The following ZNF532 variants were observed in gnomAD, a reference collection of about 807,000 sequenced individuals.
ZNF532 encodes the protein zinc finger protein 532.
A neutral mutation model predicts 89.3 loss-of-function variants in ZNF532; 22 were observed. The ratio of observed to expected loss-of-function variants is 0.25; its 90% CI spans 0.18 to 0.35. The LOEUF (loss-of-function observed/expected upper bound fraction) is 0.35, where lower values mean the gene tolerates loss of function less well. Among genes scored for constraint, ZNF532 ranks in the 10% least tolerant of loss-of-function variants. The pLI, the probability that ZNF532 is intolerant of heterozygous loss-of-function variation, is 1.00. For synonymous variants in ZNF532, 606 were observed against 649.6 expected, an observed-to-expected ratio of 0.93 and a Z score of 1.02; for missense variants, 1,132 against 1,643.4, an observed-to-expected ratio of 0.69 and a Z score of 5.38.
chr18:58,965,851 G>A (rs748484669), intron 7 of ZNF532, among the ~76,000 whole-genome samples: 2 of 152,194 alleles, frequency 1.3e-5, no homozygotes, highest in African/African-American at 2.4e-5. Context: ...TTGTAGCAGG[G>A]CCTGAGCCTT....
rs560537632 is a variant in ZNF532, at chr18:58,983,924, C to T, written c.3412-48C>T. On this transcript the variant is annotated intron_variant, in intron 9 of 9. Coordinates refer to ENST00000591808, the MANE Select transcript of ZNF532 (RefSeq NM_001375912.1). ...AGAGAACCGATCATTTATCAACCAC[C>T]GTGAAGGATGGTTTTCAGTCGTGTC... is the stretch of plus-strand genomic sequence containing the variant. The T allele has an allele frequency of 2.9e-5, 46 of 1,561,320 alleles. 1 individual carries two copies. The highest frequency in any genetic ancestry group is 1.9e-4 in the South Asian group (16 of 82,194).
chr18:58,951,643 G>GTTGTTTTTTTTT (rs1555746441), intron 6 of ZNF532, among the ~76,000 whole-genome samples: 5 of 23,322 alleles, frequency 2.1e-4, no homozygotes, highest in Non-Finnish European at 2.8e-4. Context: ...CCCTCGCCCT[G>GTTGTTTTTTTTT]TTGTTTTTTT....
At chr18:58,956,713 T>C (rs970734683) in intron 7 of ZNF532, among the ~76,000 whole-genome samples, 1 of 152,208 alleles carries the variant, frequency 6.6e-6, no homozygotes, top group Non-Finnish European at 1.5e-5. Flanking sequence ...ACCCCTTTGT[T>C]GTTAAGTCGT....
Position 58,964,535 on chromosome 18 carries a change from TTGTGTGTGTGTGTG to T in ZNF532, c.3150+10768_3150+10781del, listed in dbSNP as rs200298951. ...TTGGCCACTGGAATTGATATTTTGT[TTGTGTGTGTGTGTG>T]TGTGTGTGTGTGTGTGTGTGTGTGT... On this transcript the variant is annotated intron_variant, in intron 7 of 9. Coordinates refer to ENST00000591808, the MANE Select transcript of ZNF532 (RefSeq NM_001375912.1). 4.2e-3 allele frequency among the ~76,000 whole-genome samples: 588 copies of T among 138,628 alleles called. 3 individuals are homozygous for T. Among genetic ancestry groups the T allele is most frequent in the Non-Finnish European group, 5.8e-3 (376 of 64,378 alleles). The allele number at this position is 138,628 out of a possible 152,430, so 90.9% of individuals were successfully genotyped here. A position where few individuals can be genotyped will look rare whatever the true frequency, so the allele number is the denominator to read the frequency against.
chr18:58,962,891 G>A (rs1434977424), intron 7 of ZNF532, among the ~76,000 whole-genome samples: 3 of 152,222 alleles, frequency 2.0e-5, no homozygotes, highest in South Asian at 2.1e-4. Flanking sequence ...GTGAGCCACC[G>A]CACCCAGCCG....
Position 58,888,853 on chromosome 18 carries a change from A to AATATATATTATATATAT in ZNF532, c.-18+23276_-18+23277insATATATTATATATATAT, listed in dbSNP as rs1555709546. Among the ~76,000 whole-genome samples the AATATATATTATATATAT allele has an allele frequency of 7.1e-5, 3 of 42,362 alleles. 1 individual carries two copies. The highest frequency in any genetic ancestry group is 1.3e-4 in the African/African-American group (1 of 7,944). The allele number at this position is 42,362 out of a possible 152,430, so 27.8% of individuals were successfully genotyped here. A position where few individuals can be genotyped will look rare whatever the true frequency, so the allele number is the denominator to read the frequency against. Reference sequence around the variant, plus strand: ...TTATATATATAATTTATATATATATAATTTATATATATATAATATATATTA... The same window carrying AATATATATTATATATAT: ...TTATATATATAATTTATATATATATAATATATATTATATATATATTTATATATATATAATATATATTA... On this transcript the variant is annotated intron_variant, in intron 2 of 9. Coordinates refer to ENST00000591808, the MANE Select transcript of ZNF532 (RefSeq NM_001375912.1).
chr18:58,919,424 G>T lies in ZNF532; in HGVS notation c.1137G>T (p.Arg379Ser). The T allele has an allele frequency of 6.2e-7, 1 of 1,614,192 alleles. No individual in the cohort carries two copies. The highest frequency in any genetic ancestry group is 8.5e-7 in the Non-Finnish European group (1 of 1,180,040). The change falls in exon 3 of 10, where the codon AGG becomes AGT. Residue 379 changes from arginine (R) to serine (S), a missense_variant. Arg to Ser is a moderately radical substitution (Grantham distance 110). This residue lies in a region of ZNF532 where 124 missense variants were observed against 191.6 expected (regional missense o/e 0.65). Transcript: ENST00000591808. This position sits in a 1 kb window ranked among gnomAD's most constrained non-coding sequence, Gnocchi z 6.1. ...GGGAAATCAAGAGAACAGTGACCAG[G>T]GTATTGCCAGAAGTGGATCTTGACT... The part of the protein sequence containing the change: ...SSGEIKRTVT[R>S]VLPEVDLDSG...
chr18:58,890,937 C>T (rs192444237), intron 2 of ZNF532, among the ~76,000 whole-genome samples: 55 of 151,796 alleles, frequency 3.6e-4, no homozygotes, highest in African/African-American at 1.0e-3. Flanking sequence ...CTTGACCTCC[C>T]GGGTTCAAGT....
At chr18:58,912,846 G>T (rs986796179) in intron 2 of ZNF532, among the ~76,000 whole-genome samples, 3 of 152,038 alleles carry the variant, frequency 2.0e-5, no homozygotes, top group Non-Finnish European at 4.4e-5. Context: ...TTGGGGCCCA[G>T]TCTCTCCCAC....
At chr18:58,920,899 T>C (rs1446102124) in intron 3 of ZNF532, among the ~76,000 whole-genome samples, 2 of 151,712 alleles carry the variant, frequency 1.3e-5, no homozygotes, top group African/African-American at 2.4e-5. Context: ...GCAGTGGTGT[T>C]GGAGGTGGTA....
At chr18:58,954,711 C>CTTTTT (rs11416830) in intron 7 of ZNF532, among the ~76,000 whole-genome samples, 3 of 106,336 alleles carry the variant, frequency 2.8e-5, no homozygotes, top group African/African-American at 3.4e-5. Context: ...GAATTTGCTA[C>CTTTTT]TTTTTTTTTT....
intron 5 of ZNF532, among the ~76,000 whole-genome samples, chr18:58,943,261 G>A (rs868426528): frequency 1.4e-5 from 2 of 148,106 alleles, no homozygotes; most frequent in Non-Finnish European, 3.0e-5. Flanking sequence ...CCGGGTTCTC[G>A]CCATTCTTCT....
At position 58,984,300 on chromosome 18, in the gene ZNF532, A is replaced by C. The variant is rs1422282966; in HGVS notation, c.3740A>C (p.Glu1247Ala). 1 of 1,611,998 alleles carries C rather than the reference A, an allele frequency of 6.2e-7. No individual in the cohort carries two copies. Among genetic ancestry groups the C allele is most frequent in the South Asian group, 1.1e-5 (1 of 90,990 alleles). Residue 1247 changes from glutamate to alanine, a missense_variant, in exon 10 of 10, where the codon GAG (glutamate) becomes GCG (alanine). Glu to Ala is a moderately radical substitution (Grantham distance 107). Coordinates refer to ENST00000591808, the MANE Select transcript of ZNF532 (RefSeq NM_001375912.1). ...GGGGCTGGGGAAGATAACCAACAGG[A>C]GAACAAACCCAGCCACGAGGATGAA... ...QNGAGEDNQQENKPSHEDESP... is the reference protein window; with the variant it reads ...QNGAGEDNQQANKPSHEDESP...
chr18:58,919,646 C>T lies in ZNF532; in HGVS notation c.1359C>T (p.Leu453=). The T allele has an allele frequency of 1.2e-6, 2 of 1,614,056 alleles. No individual in the cohort carries two copies. The highest frequency in any genetic ancestry group is 2.2e-5 in the East Asian group (1 of 44,882). ...VTIKPVATAF[L]PVSAVKTAGS... ...TCAAGCCTGTGGCTACTGCTTTCCT[C>T]CCAGTGTCTGCTGTGAAGACGGCAG... is the stretch of plus-strand genomic sequence containing the variant. Residue 453 remains leucine (L), a synonymous_variant, in exon 3 of 10, where the codon CTC becomes CTT. Transcript: ENST00000591808. This position sits in a 1 kb window ranked among gnomAD's most constrained non-coding sequence, Gnocchi z 6.1.
At chr18:58,870,799 G>A (rs977728209) in intron 2 of ZNF532, among the ~76,000 whole-genome samples, 11 of 152,136 alleles carry the variant, frequency 7.2e-5, no homozygotes, top group African/African-American at 2.7e-4. Context: ...CTTCTTAGGT[G>A]GCTGTCTGGG....
intron 2 of ZNF532, among the ~76,000 whole-genome samples, chr18:58,867,584 A>G (rs1310076342): frequency 2.6e-5 from 4 of 152,114 alleles, no homozygotes; most frequent in African/African-American, 9.7e-5. Context: ...TGGGAGAGCC[A>G]GGGGGGACCC....
At chr18:58,925,099 G>T (rs1392561574) in intron 3 of ZNF532, among the ~76,000 whole-genome samples, 1 of 151,956 alleles carries the variant, frequency 6.6e-6, no homozygotes, top group East Asian at 1.9e-4. Context: ...GTTTTTTTGT[G>T]GACATAAGTT....
At chr18:58,956,213 T>A (rs1005839656) in intron 7 of ZNF532, among the ~76,000 whole-genome samples, 3 of 152,226 alleles carry the variant, frequency 2.0e-5, no homozygotes, top group South Asian at 2.1e-4. Flanking sequence ...CTGAATTGGA[T>A]GTGTGTGCAC....
intron 6 of ZNF532, among the ~76,000 whole-genome samples, chr18:58,950,432 TTA>T (rs2064052184): frequency 6.6e-6 from 1 of 152,206 alleles, no homozygotes; most frequent in Non-Finnish European, 1.5e-5. Context: ...TATCCTGCAT[TTA>T]TATGTTTGGG....
Sources: allele counts gnomAD v4.1 joint callset (sites outside exome capture counted in the v4.1 genomes callset), GRCh38; gene constraint gnomAD v4.1.1; regional missense constraint gnomAD v4.1.1; non-coding constraint Gnocchi (gnomAD v3.1); transcripts MANE v1.5; gene names NCBI Gene and HGNC (gene_info 2026-07-23, HGNC 2026-07-21).